SLC39A11: variants seen among roughly 807,000 people sequenced by gnomAD.
SLC39A11 encodes the protein zinc transporter ZIP11.
In SLC39A11, 33 loss-of-function variants were observed where a neutral mutation model predicts 36.1. That is an observed-to-expected ratio of 0.91 (90% CI 0.69 to 1.22). The LOEUF (loss-of-function observed/expected upper bound fraction) is 1.22. SLC39A11 is among the 50% of genes most tolerant of loss of function. The probability of loss-of-function intolerance (pLI) is 0.00; values close to 1 mark genes in which losing one functional copy is unlikely to be tolerated. For synonymous variants in SLC39A11, 166 were observed against 170.3 expected, an observed-to-expected ratio of 0.97 and a Z score of 0.20; for missense variants, 432 against 430.3, an observed-to-expected ratio of 1.00 and a Z score of -0.03.
chr17:72,822,486 G>A (rs535917301), intron 6 of SLC39A11, among the ~76,000 whole-genome samples: 7 of 150,796 alleles, frequency 4.6e-5, no homozygotes, highest in African/African-American at 1.7e-4. Flanking sequence ...TATTAGGGGC[G>A]GGTCTGGAGG....
intron 5 of SLC39A11, among the ~76,000 whole-genome samples, chr17:72,902,037 C>T (rs567485161): frequency 3.3e-5 from 5 of 151,982 alleles, no homozygotes; most frequent in Admixed American, 6.6e-5. Context: ...TTTGAAAGGC[C>T]GAGGCGGGTG....
At chr17:72,929,979 A>C (rs1376917683) in intron 5 of SLC39A11, among the ~76,000 whole-genome samples, 1 of 152,186 alleles carries the variant, frequency 6.6e-6, no homozygotes, top group Non-Finnish European at 1.5e-5. Context: ...TTAAATGGGG[A>C]TCCAAAGTAG....
chr17:72,655,428 C>T (rs143090438), intron 7 of SLC39A11, among the ~76,000 whole-genome samples: 10 of 152,340 alleles, frequency 6.6e-5, no homozygotes, highest in East Asian at 1.9e-4. Context: ...CAGGGAGCAC[C>T]GGCAAATGCC....
chr17:72,975,727 T>C (rs1483014196), intron 4 of SLC39A11, among the ~76,000 whole-genome samples: 2 of 152,236 alleles, frequency 1.3e-5, no homozygotes, highest in African/African-American at 4.8e-5. Flanking sequence ...GTAACAAAGA[T>C]AGAAAGCGAA....
At chr17:72,795,283 T>C (rs1051740201) in intron 6 of SLC39A11, among the ~76,000 whole-genome samples, 18 of 152,134 alleles carry the variant, frequency 1.2e-4, no homozygotes, top group African/African-American at 4.3e-4. Flanking sequence ...AAGGCTTGAG[T>C]GGGGCTGAAG....
At chr17:72,927,040 C>T (rs139548486) in intron 5 of SLC39A11, among the ~76,000 whole-genome samples, 1 of 152,070 alleles carries the variant, frequency 6.6e-6, no homozygotes, top group Non-Finnish European at 1.5e-5. Flanking sequence ...GTTGCCCAGT[C>T]CTGGATTTGT....
At position 72,987,747 on chromosome 17, in the gene SLC39A11, T is replaced by C. The variant is rs139835212; in HGVS notation, c.307-39872A>G. Among the ~76,000 whole-genome samples, 24 of 152,300 alleles carry C rather than the reference T, an allele frequency of 1.6e-4. No individual in the cohort carries two copies. The East Asian group carries it at 4.2e-3, about 27-fold the overall frequency. ...AGTCTTTCTCCACTCCAAAACTTCA[T>C]GACACTTACAGAGAAAGGTGAAGCC... On this transcript the variant is annotated intron_variant, in intron 4 of 9. Transcript: ENST00000255559.
chr17:72,795,166 C>T (rs367630586), intron 6 of SLC39A11, among the ~76,000 whole-genome samples: 62 of 152,118 alleles, frequency 4.1e-4, no homozygotes, highest in African/African-American at 5.1e-4. Context: ...CCTGTATGGT[C>T]TCAGTCTCTG....
chr17:72,949,000 C>A (rs2085640729), intron 4 of SLC39A11, among the ~76,000 whole-genome samples: 1 of 152,032 alleles, frequency 6.6e-6, no homozygotes, highest in South Asian at 2.1e-4. Flanking sequence ...TACACAAGCA[C>A]CTCCACTTTC....
intron 7 of SLC39A11, among the ~76,000 whole-genome samples, chr17:72,716,740 G>A (rs968069204): frequency 2.6e-5 from 4 of 152,088 alleles, no homozygotes; most frequent in African/African-American, 9.6e-5. Context: ...AAATCGAGGT[G>A]GGCGGATCAC....
chr17:72,924,041 G>T (rs2083871340), intron 5 of SLC39A11, among the ~76,000 whole-genome samples: 1 of 151,500 alleles, frequency 6.6e-6, no homozygotes, highest in African/African-American at 2.4e-5. Flanking sequence ...CAGGTACTAG[G>T]GAAGCTGAGG....
chr17:73,023,711 G>C (rs1410793805), intron 4 of SLC39A11, among the ~76,000 whole-genome samples: 1 of 152,094 alleles, frequency 6.6e-6, no homozygotes, highest in South Asian at 2.1e-4. Context: ...GGCTGGTCTC[G>C]ATCTCCTGAC....
At chr17:72,667,458 G>A (rs1394392378) in intron 7 of SLC39A11, among the ~76,000 whole-genome samples, 2 of 152,198 alleles carry the variant, frequency 1.3e-5, no homozygotes, top group Non-Finnish European at 2.9e-5. Flanking sequence ...GCTAGCCAGG[G>A]ACTCAGTGCT....
chr17:73,052,554 T>A (rs141039331), intron 3 of SLC39A11, among the ~76,000 whole-genome samples: 24 of 152,236 alleles, frequency 1.6e-4, no homozygotes, highest in African/African-American at 5.8e-4. Context: ...AGGGGAACTA[T>A]TAAAGGCATA....
At chr17:73,002,802 G>A (rs936684678) in intron 4 of SLC39A11, among the ~76,000 whole-genome samples, 3 of 152,186 alleles carry the variant, frequency 2.0e-5, no homozygotes, top group African/African-American at 7.2e-5. Flanking sequence ...TGTCAGCAGG[G>A]CCATGCTCCC....
intron 4 of SLC39A11, among the ~76,000 whole-genome samples, chr17:73,020,676 C>CTTTA: frequency 1.4e-5 from 1 of 71,656 alleles, no homozygotes; most frequent in South Asian, 6.0e-4. Context: ...CTTTTTGTTT[C>CTTTA]TTTCTTTTTT....
chr17:72,818,277 T>A (rs2077649257), intron 6 of SLC39A11, among the ~76,000 whole-genome samples: 2 of 152,184 alleles, frequency 1.3e-5, no homozygotes, highest in South Asian at 4.1e-4. Flanking sequence ...CGTGGCTTAG[T>A]TTCCAGTCCA....
At chr17:72,861,308 A>T (rs2079969847) in intron 5 of SLC39A11, among the ~76,000 whole-genome samples, 1 of 152,148 alleles carries the variant, frequency 6.6e-6, no homozygotes, top group South Asian at 2.1e-4. Flanking sequence ...CCCACTGCTA[A>T]AGATAATAGA....
At chr17:72,701,727 C>CAAAAAAAAAAAAAAAAA in intron 7 of SLC39A11, among the ~76,000 whole-genome samples, 1 of 88,854 alleles carries the variant, frequency 1.1e-5, no homozygotes, top group African/African-American at 4.8e-5. Flanking sequence ...GATTCTGTCT[C>CAAAAAAAAAAAAAAAAA]AAAAAAAAAA....
Sources: allele counts gnomAD v4.1 joint callset (sites outside exome capture counted in the v4.1 genomes callset), GRCh38; gene constraint gnomAD v4.1.1; transcripts MANE v1.5; gene names NCBI Gene and HGNC (gene_info 2026-07-23, HGNC 2026-07-21).